The following MIPOL1 variants were observed in gnomAD, a reference collection of about 807,000 sequenced individuals.
MIPOL1 encodes mirror-image polydactyly gene 1 protein.
A neutral mutation model predicts 60.9 loss-of-function variants in MIPOL1; 57 were observed. The observed-to-expected ratio is 0.94, with a 90% CI of 0.76 to 1.17. The LOEUF is 1.17. Among genes scored for constraint, MIPOL1 ranks in the 50% most tolerant of loss-of-function variants. The probability of loss-of-function intolerance (pLI) is 0.00; values close to 1 mark genes in which losing one functional copy is unlikely to be tolerated. For missense variants in MIPOL1, 551 were observed against 511.6 expected, an observed-to-expected ratio of 1.08 and a Z score of -0.74; for synonymous variants, 179 against 168.8, an observed-to-expected ratio of 1.06 and a Z score of -0.47.
chr14:37,297,654 A>G (rs79467941), intron 7 of MIPOL1, among the ~76,000 whole-genome samples: 48,133 of 151,824 alleles, frequency 0.32, 7,725 homozygotes, highest in East Asian at 0.46. Flanking sequence ...ATTCTTATAC[A>G]CCAATAACAG....
intron 11 of MIPOL1, among the ~76,000 whole-genome samples, chr14:37,437,888 G>A (rs2094186841): frequency 6.6e-6 from 1 of 152,008 alleles, no homozygotes; most frequent in Non-Finnish European, 1.5e-5. Context: ...GTTATCATTA[G>A]CTCTTTTTTG....
At chr14:37,231,793 C>T (rs1970672581) in intron 1 of MIPOL1, among the ~76,000 whole-genome samples, 1 of 152,010 alleles carries the variant, frequency 6.6e-6, no homozygotes, top group Non-Finnish European at 1.5e-5. Flanking sequence ...AATAAAAGCC[C>T]TACAGGCCGG....
At chr14:37,314,480 G>A (rs1567424671) in intron 9 of MIPOL1, among the ~76,000 whole-genome samples, 1 of 152,152 alleles carries the variant, frequency 6.6e-6, no homozygotes, top group Non-Finnish European at 1.5e-5. Context: ...AAGTGCATTG[G>A]TCTGTTCTTT....
chr14:37,433,810 C>G (rs1284697939), intron 11 of MIPOL1, among the ~76,000 whole-genome samples: 1 of 152,132 alleles, frequency 6.6e-6, no homozygotes, highest in African/African-American at 2.4e-5. Flanking sequence ...CCTGCCTCGG[C>G]CTCCCAAAGT....
In MIPOL1 at chr14:37,422,867, T is replaced by C. The variant is rs749887026; in HGVS notation, c.949T>C (p.Ser317Pro). ...QERALKAKLL[S>P]MQQARETAVQ... Reference sequence around the variant, plus strand: ...TAATTACTTTTAGGCAAAGTTGTTATCTATGCAACAAGCCAGAGAAACTGC... The same window carrying C: ...TAATTACTTTTAGGCAAAGTTGTTACCTATGCAACAAGCCAGAGAAACTGC... The change falls in exon 11 of 13, where the codon TCT (serine) becomes CCT (proline). Residue 317 changes from serine (S) to proline (P), a missense_variant. Coordinates refer to ENST00000684589, the MANE Select transcript of MIPOL1 (RefSeq NM_001388067.1). 9 of 1,604,122 alleles carry C rather than the reference T, an allele frequency of 5.6e-6. No homozygotes were observed. The East Asian group carries it at 9.0e-5, about 16-fold the overall frequency.
At chr14:37,498,000 C>G (rs993215700) in intron 11 of MIPOL1, among the ~76,000 whole-genome samples, 1 of 152,150 alleles carries the variant, frequency 6.6e-6, no homozygotes, top group African/African-American at 2.4e-5. Context: ...ATAGCAACAA[C>G]TGTGGACAGT....
At chr14:37,407,696 T>C (rs539109239) in intron 10 of MIPOL1, among the ~76,000 whole-genome samples, 150 of 152,164 alleles carry the variant, frequency 9.9e-4, no homozygotes, top group African/African-American at 3.4e-3. Context: ...ACAGGAAGGA[T>C]ATTGTCACAC....
At chr14:37,304,195 T>A (rs2086585262) in intron 7 of MIPOL1, among the ~76,000 whole-genome samples, 1 of 151,804 alleles carries the variant, frequency 6.6e-6, no homozygotes, top group South Asian at 2.1e-4. Context: ...TCCTATAATC[T>A]TCAGATCCTT....
chr14:37,495,285 C>T (rs1299858296), intron 11 of MIPOL1, among the ~76,000 whole-genome samples: 2 of 109,328 alleles, frequency 1.8e-5, no homozygotes, highest in African/African-American at 6.9e-5. Flanking sequence ...CCCCCCTCCC[C>T]CCACCCCACC....
chr14:37,396,505 T>C lies in MIPOL1; in HGVS notation c.937-26350T>C, dbSNP rs115142974. Among the ~76,000 whole-genome samples, 723 of 152,270 alleles carry C rather than the reference T, an allele frequency of 4.7e-3. 4 individuals carry two copies. Among genetic ancestry groups the C allele is most frequent in the African/African-American group, 0.015 (639 of 41,560 alleles). On this transcript the variant is annotated intron_variant, in intron 10 of 12. Transcript: ENST00000684589. ...CCAGATGTTCCTTGTGCTTCTTGTA[T>C]TTGGATGTGTAGGTCTCTAGCAATG...
intron 1 of MIPOL1, among the ~76,000 whole-genome samples, chr14:37,203,503 T>A (rs1726282254): frequency 6.6e-6 from 1 of 152,232 alleles, no homozygotes; most frequent in South Asian, 2.1e-4. Flanking sequence ...TAAAATGACC[T>A]TGGTATTCAC....
At chr14:37,464,241 A>G (rs1233812061) in intron 11 of MIPOL1, among the ~76,000 whole-genome samples, 11 of 64,732 alleles carry the variant, frequency 1.7e-4, no homozygotes, top group Non-Finnish European at 2.1e-4. Flanking sequence ...TCAGCACAGC[A>G]ATTCCACTAC....
intron 12 of MIPOL1, among the ~76,000 whole-genome samples, chr14:37,516,642 A>C (rs2095371150): frequency 6.6e-6 from 1 of 152,176 alleles, no homozygotes; most frequent in Non-Finnish European, 1.5e-5. Context: ...TTCAGTCCTG[A>C]AATTACATTT....
chr14:37,285,180 G>T, intron 6 of MIPOL1, 138 bp from the exon 7 acceptor site: 1 of 828,624 alleles, frequency 1.2e-6, no homozygotes. Flanking sequence ...AATATTTTAT[G>T]AATTGATTGA....
intron 1 of MIPOL1, among the ~76,000 whole-genome samples, chr14:37,233,886 C>T (rs1413116864): frequency 6.6e-6 from 1 of 152,210 alleles, no homozygotes; most frequent in East Asian, 1.9e-4. Flanking sequence ...TCTTAAAAAA[C>T]TGTTGCCATG....
Position 37,388,475 on chromosome 14 carries a change from G to T in MIPOL1, c.936+18851G>T, listed in dbSNP as rs370804559. ...GCTAACTTCCAGAGATTATTTTTGG[G>T]TTTTTTTTGTGTTTTTTTTTTTTTT... On this transcript the variant is annotated intron_variant, in intron 10 of 12. Transcript: ENST00000684589. 7.3e-3 allele frequency among the ~76,000 whole-genome samples: 1,072 copies of T among 146,032 alleles called. 4 individuals carry two copies. Among genetic ancestry groups the T allele is most frequent in the Non-Finnish European group, 0.012 (778 of 66,076 alleles).
chr14:37,411,050 A>G (rs919631147), intron 10 of MIPOL1, among the ~76,000 whole-genome samples: 2 of 152,192 alleles, frequency 1.3e-5, no homozygotes, highest in African/African-American at 4.8e-5. Context: ...TGGAGAAAAT[A>G]TGCTGTTTAC....
chr14:37,335,277 A>G (rs1314881386), intron 9 of MIPOL1, among the ~76,000 whole-genome samples: 4 of 152,100 alleles, frequency 2.6e-5, no homozygotes, highest in Admixed American at 6.6e-5. Context: ...CATAACATAA[A>G]TATACATAAC....
chr14:37,445,542 T>A (rs1172879016), intron 11 of MIPOL1, among the ~76,000 whole-genome samples: 2 of 151,312 alleles, frequency 1.3e-5, no homozygotes, highest in African/African-American at 4.9e-5. Flanking sequence ...AAGCTACCAA[T>A]GACTTTCTTC....
Sources: allele counts gnomAD v4.1 joint callset (sites outside exome capture counted in the v4.1 genomes callset), GRCh38; gene constraint gnomAD v4.1.1; transcripts MANE v1.5; gene names NCBI Gene and HGNC (gene_info 2026-07-23, HGNC 2026-07-21).